Variants in CADM2 observed in about 807,000 individuals in gnomAD.
The protein encoded by CADM2 is immunoglobulin superfamily member 4D.
In CADM2, 12 loss-of-function variants were observed where a neutral mutation model predicts 49.8. The observed-to-expected ratio is 0.24, with a 90% confidence interval of 0.15 to 0.39. The LOEUF (loss-of-function observed/expected upper bound fraction) is 0.39, where lower values mean the gene tolerates loss of function less well. CADM2 is among the 10% of genes least tolerant of loss of function. CADM2 has a pLI of 1.00. For synonymous variants in CADM2, 214 were observed against 175.4 expected (o/e 1.22, Z -1.74); for missense variants, 378 against 492.3 (o/e 0.77, Z 2.20).
intron 1 of CADM2, among the ~76,000 whole-genome samples, chr3:84,982,949 A>G (rs1176790161): frequency 1.3e-5 from 2 of 148,508 alleles, no homozygotes; most frequent in Non-Finnish European, 2.9e-5. Context: ...GGGTTTCACC[A>G]TGTTAGCCAT....
intron 1 of CADM2, among the ~76,000 whole-genome samples, chr3:85,035,707 C>T (rs559416201): frequency 6.6e-6 from 1 of 151,962 alleles, no homozygotes; most frequent in African/African-American, 2.4e-5. Flanking sequence ...GTTTTTTGCA[C>T]TTTTGTCAAA....
At chr3:85,771,263 C>T (rs1017456672) in intron 2 of CADM2, among the ~76,000 whole-genome samples, 3 of 152,056 alleles carry the variant, frequency 2.0e-5, no homozygotes, top group Non-Finnish European at 4.4e-5. Flanking sequence ...ACTTCTTAAA[C>T]CCATTGGTCA....
At chr3:85,551,486 T>A (rs2107118148) in intron 1 of CADM2, among the ~76,000 whole-genome samples, 1 of 152,266 alleles carries the variant, frequency 6.6e-6, no homozygotes, top group East Asian at 1.9e-4. Context: ...CATATGGTGA[T>A]TCACTGAATA....
At chr3:85,172,013 G>T (rs2040641726) in intron 1 of CADM2, among the ~76,000 whole-genome samples, 1 of 152,082 alleles carries the variant, frequency 6.6e-6, no homozygotes, top group African/African-American at 2.4e-5. Context: ...TTACTTTCTT[G>T]TGCAATTTAT....
At chr3:85,915,474 T>G (rs1718164280) in intron 6 of CADM2, among the ~76,000 whole-genome samples, 1 of 152,070 alleles carries the variant, frequency 6.6e-6, no homozygotes, top group African/African-American at 2.4e-5. Flanking sequence ...TCTCCGGAGA[T>G]TAAATGAGTA....
chr3:85,627,479 G>T (rs185965790), intron 1 of CADM2, among the ~76,000 whole-genome samples: 312 of 152,048 alleles, frequency 2.1e-3, no homozygotes, highest in African/African-American at 6.7e-3. Context: ...ATTCTTTAGT[G>T]AATGTTAGAT....
At chr3:85,076,348 T>TGGTGG in intron 1 of CADM2, among the ~76,000 whole-genome samples, 1 of 149,596 alleles carries the variant, frequency 6.7e-6, no homozygotes, top group African/African-American at 2.5e-5. Flanking sequence ...TGGTGTGGTG[T>TGGTGG]GCATGGTTTT....
intron 1 of CADM2, among the ~76,000 whole-genome samples, chr3:85,205,681 A>G (rs560135731): frequency 6.6e-6 from 1 of 152,130 alleles, no homozygotes; most frequent in East Asian, 1.9e-4. Context: ...TGATACCAGT[A>G]ACATATTATT....
At chr3:85,533,481 C>A (rs1231605068) in intron 1 of CADM2, among the ~76,000 whole-genome samples, 1 of 152,088 alleles carries the variant, frequency 6.6e-6, no homozygotes, top group Non-Finnish European at 1.5e-5. Flanking sequence ...CACAGATTTT[C>A]TGAGATTTTA....
chr3:85,323,832 C>T (rs951650485), intron 1 of CADM2, among the ~76,000 whole-genome samples: 2 of 152,104 alleles, frequency 1.3e-5, no homozygotes, highest in Non-Finnish European at 2.9e-5. Context: ...CTAGAAAAGT[C>T]ACAGTGATCT....
At chr3:84,978,645 A>G (rs1235103558) in intron 1 of CADM2, among the ~76,000 whole-genome samples, 1 of 152,194 alleles carries the variant, frequency 6.6e-6, no homozygotes, top group East Asian at 1.9e-4. Flanking sequence ...GAAATGCCGT[A>G]AGAAGACTTT....
intron 6 of CADM2, among the ~76,000 whole-genome samples, chr3:85,934,835 A>G (rs149705206): frequency 6.6e-6 from 1 of 152,122 alleles, no homozygotes; most frequent in East Asian, 1.9e-4. Flanking sequence ...GGGAAGAGTG[A>G]GAATAATTGT....
intron 4 of CADM2, 88 bp downstream of exon 4, chr3:85,883,531 T>C (rs1447958320): frequency 1.7e-6 from 2 of 1,171,154 alleles, no homozygotes; most frequent in African/African-American, 3.1e-5. Flanking sequence ...AAAATATATT[T>C]TGAAGATTAT....
intron 1 of CADM2, among the ~76,000 whole-genome samples, chr3:85,597,171 TAATG>T (rs1273536288): frequency 6.6e-6 from 1 of 151,896 alleles, no homozygotes; most frequent in Non-Finnish European, 1.5e-5. Flanking sequence ...ATATGACACT[TAATG>T]AAAGTGCACA....
chr3:85,320,101 G>A (rs565030358), intron 1 of CADM2, among the ~76,000 whole-genome samples: 2 of 152,190 alleles, frequency 1.3e-5, no homozygotes, highest in East Asian at 3.9e-4. Flanking sequence ...TGGCCCCCAG[G>A]GGAACATTTG....
chr3:84,972,754 T>C (rs891770082), intron 1 of CADM2, among the ~76,000 whole-genome samples: 1 of 152,222 alleles, frequency 6.6e-6, no homozygotes, highest in African/African-American at 2.4e-5. Flanking sequence ...TATCAACAAA[T>C]ACCTATTTGA....
At chr3:85,242,755 A>G (rs1226573288) in intron 1 of CADM2, among the ~76,000 whole-genome samples, 2 of 151,920 alleles carry the variant, frequency 1.3e-5, no homozygotes, top group Non-Finnish European at 1.5e-5. Flanking sequence ...ATTCAAATAC[A>G]TATTTTTCAT....
intron 1 of CADM2, among the ~76,000 whole-genome samples, chr3:85,709,693 G>A (rs1318994023): frequency 6.6e-6 from 1 of 152,014 alleles, no homozygotes; most frequent in African/African-American, 2.4e-5. Flanking sequence ...ATGCAAATAT[G>A]GTTTGTTTGG....
At chr3:85,875,020 C>T (rs1711617185) in intron 3 of CADM2, among the ~76,000 whole-genome samples, 1 of 152,090 alleles carries the variant, frequency 6.6e-6, no homozygotes. Flanking sequence ...TGCTTAGGTT[C>T]TGTTTGCATT....
Sources: allele counts gnomAD v4.1 joint callset (sites outside exome capture counted in the v4.1 genomes callset), GRCh38; gene constraint gnomAD v4.1.1; transcripts MANE v1.5; gene names NCBI Gene and HGNC (gene_info 2026-07-23, HGNC 2026-07-21).